Variants in AGAP1 observed in about 807,000 individuals in gnomAD.
AGAP1 encodes the protein arf-GAP with GTPase, ANK repeat and PH domain-containing protein 1.
Under a neutral mutation model 105.3 loss-of-function variants are expected in AGAP1, and 29 were observed. The ratio of observed to expected loss-of-function variants is 0.28; its 90% CI spans 0.21 to 0.38. The LOEUF (loss-of-function observed/expected upper bound fraction) is 0.38. Among genes scored for constraint, AGAP1 ranks in the 10% least tolerant of loss-of-function variants. The pLI, the probability that AGAP1 is intolerant of heterozygous loss-of-function variation, is 1.00. For synonymous variants in AGAP1, 509 were observed against 485.9 expected (o/e 1.05, Z -0.63); for missense variants, 998 against 1,165.1 (o/e 0.86, Z 2.09).
chr2:236,124,205 TC>T lies in AGAP1; in HGVS notation c.*86del. 2 of 1,409,958 alleles carry T rather than the reference TC, an allele frequency of 1.4e-6. No homozygotes were observed. The highest frequency in any genetic ancestry group is 1.9e-6 in the Non-Finnish European group (2 of 1,030,282). The allele number at this position is 1,409,958 out of a possible 1,614,324, so 87.3% of individuals were successfully genotyped here. A position where few individuals can be genotyped will look rare whatever the true frequency, so the allele number is the denominator to read the frequency against. ...TCGCTCAGAAGTCGCAGCACGTGAG[TC>T]CCGTCGCATCCCCTCCCTCTTCCTG... On this transcript the variant is annotated 3_prime_UTR_variant, in exon 18 of 18. Transcript: ENST00000304032. The surrounding 1 kb of genome is among the most constrained non-coding windows in gnomAD (Gnocchi z 5.1).
At chr2:235,652,879 G>C (rs1322561895) in intron 1 of AGAP1, among the ~76,000 whole-genome samples, 1 of 152,110 alleles carries the variant, frequency 6.6e-6, no homozygotes, top group Non-Finnish European at 1.5e-5. Context: ...TGAGGCAGGA[G>C]AATCACTTGA....
At chr2:235,643,066 C>G (rs960986863) in intron 1 of AGAP1, among the ~76,000 whole-genome samples, 1 of 152,096 alleles carries the variant, frequency 6.6e-6, no homozygotes, top group African/African-American at 2.4e-5. Flanking sequence ...CTCCTTCCCC[C>G]TTTTTTCTAT....
Position 235,741,109 on chromosome 2 carries a change from C to CA in AGAP1, c.396+63dup. The CA allele has an allele frequency of 7.2e-7, 1 of 1,381,854 alleles. No homozygotes were observed. Among genetic ancestry groups the CA allele is most frequent in the Non-Finnish European group, 9.7e-7 (1 of 1,028,612 alleles). The allele number at this position is 1,381,854 out of a possible 1,614,324, so 85.6% of individuals were successfully genotyped here. On this transcript the variant is annotated intron_variant, in intron 4 of 17. Coordinates refer to ENST00000304032, the MANE Select transcript of AGAP1 (RefSeq NM_001037131.3). This position sits in a 1 kb window ranked among gnomAD's most constrained non-coding sequence, Gnocchi z 4.9. Reference sequence around the variant, plus strand: ...TCCCTTTGTTTTCTAAGGTTTGATTCAAGAAGTGCTTCTAGAAATCGGTGA... The same window carrying CA: ...TCCCTTTGTTTTCTAAGGTTTGATTCAAAGAAGTGCTTCTAGAAATCGGTGA...
chr2:235,796,252 A>T (rs1005382032), intron 6 of AGAP1, among the ~76,000 whole-genome samples: 1 of 152,192 alleles, frequency 6.6e-6, no homozygotes, highest in Non-Finnish European at 1.5e-5. Flanking sequence ...GGTTTTTGCA[A>T]TTTCAAGATA....
At chr2:235,756,892 C>T (rs115149574) in intron 6 of AGAP1, among the ~76,000 whole-genome samples, 2,700 of 151,886 alleles carry the variant, frequency 0.018, 90 homozygotes, top group African/African-American at 0.061. Context: ...CCCTGATCCT[C>T]AGAAAAATTG....
rs1256962529 is a variant in AGAP1, at chr2:235,732,254, T to C, written c.311-8709T>C. 6.6e-6 allele frequency among the ~76,000 whole-genome samples: 1 copy of C among 152,224 alleles called. No individual in the cohort carries two copies. The highest frequency in any genetic ancestry group is 6.5e-5 in the Admixed American group (1 of 15,284). The stretch of plus-strand genomic sequence containing the variant: ...CAATGAACTTCTCTCTTAAATACTT[T>C]ACCTCTGTCTTTTTAATCTCATTGA... On this transcript the variant is annotated intron_variant, in intron 3 of 17. Transcript: ENST00000304032. This position sits in a 1 kb window ranked among gnomAD's most constrained non-coding sequence, Gnocchi z 4.8.
chr2:235,815,040 G>A (rs1958371717), intron 9 of AGAP1, among the ~76,000 whole-genome samples: 1 of 152,148 alleles, frequency 6.6e-6, no homozygotes, highest in South Asian at 2.1e-4. Context: ...AGCGTTTATT[G>A]ACCACTTTTC....
chr2:235,976,779 C>T lies in AGAP1; in HGVS notation c.1645+8156C>T, dbSNP rs2054877953. 3.3e-5 allele frequency among the ~76,000 whole-genome samples: 5 copies of T among 152,108 alleles called. No homozygotes were observed. Among genetic ancestry groups the T allele is most frequent in the Non-Finnish European group, 5.9e-5 (4 of 68,018 alleles). Reference sequence around the variant, plus strand: ...CTGCCTGGAGGACCTCAGGGAGGTTCCCCAAAGGGGAGTAGACACTCACAC... The same window carrying T: ...CTGCCTGGAGGACCTCAGGGAGGTTTCCCAAAGGGGAGTAGACACTCACAC... On this transcript the variant is annotated intron_variant, in intron 13 of 17. Coordinates refer to ENST00000304032, the MANE Select transcript of AGAP1 (RefSeq NM_001037131.3). The surrounding 1 kb of genome is among the most constrained non-coding windows in gnomAD (Gnocchi z 4.5).
chr2:235,527,647 C>T (rs887463033), intron 1 of AGAP1, among the ~76,000 whole-genome samples: 4 of 152,132 alleles, frequency 2.6e-5, no homozygotes, highest in Admixed American at 6.6e-5. Context: ...CTTAGCGTCC[C>T]GAAGTGCTGG....
intron 6 of AGAP1, among the ~76,000 whole-genome samples, chr2:235,764,078 G>C (rs1484095288): frequency 6.9e-6 from 1 of 145,396 alleles, no homozygotes; most frequent in Non-Finnish European, 1.5e-5. Context: ...CCCATGTGTG[G>C]CTGTGACATG....
chr2:235,507,845 G>A (rs759997300), intron 1 of AGAP1, among the ~76,000 whole-genome samples: 33 of 152,094 alleles, frequency 2.2e-4, no homozygotes, highest in Admixed American at 3.3e-4. Context: ...TACACATGCA[G>A]GTGTGTTATA....
intron 8 of AGAP1, among the ~76,000 whole-genome samples, chr2:235,804,249 T>C (rs941869833): frequency 1.3e-5 from 2 of 152,212 alleles, no homozygotes; most frequent in Non-Finnish European, 2.9e-5. Flanking sequence ...ATACATTACA[T>C]GGCCTTGTCC....
In AGAP1 at chr2:235,740,989, G is replaced by A. The variant is rs757882352; in HGVS notation, c.337G>A (p.Val113Ile). 8.1e-6 allele frequency: 13 copies of A among 1,614,204 alleles called. No individual in the cohort carries two copies. Among genetic ancestry groups the A allele is most frequent in the East Asian group, 2.2e-5 (1 of 44,882 alleles). The change falls in exon 4 of 18, where the codon GTT becomes ATT. Residue 113 changes from valine (V) to isoleucine (I), a missense_variant. This residue lies in a region of AGAP1 where 735 missense variants were observed against 833.4 expected (regional missense o/e 0.88). Transcript: ENST00000304032. This position sits in a 1 kb window ranked among gnomAD's most constrained non-coding sequence, Gnocchi z 5.7. ...EGGRFKKEIV[V>I]DGQSYLLLIR... Reference sequence around the variant, plus strand: ...TGGCAGGTTCAAGAAAGAGATTGTCGTTGATGGACAGAGCTATCTGCTGCT... The same window carrying A: ...TGGCAGGTTCAAGAAAGAGATTGTCATTGATGGACAGAGCTATCTGCTGCT...
Position 236,005,170 on chromosome 2 carries a change from A to G in AGAP1, c.1646-31391A>G, listed in dbSNP as rs865811239. ...GTTTTTGTTTGTTTGTTTTTGTGACAGGGTCTCACTCTGTCACCCAGGCTG... is the reference window on the plus strand; with the variant it reads ...GTTTTTGTTTGTTTGTTTTTGTGACGGGGTCTCACTCTGTCACCCAGGCTG... On this transcript the variant is annotated intron_variant, in intron 13 of 17. Coordinates refer to ENST00000304032, the MANE Select transcript of AGAP1 (RefSeq NM_001037131.3). The surrounding 1 kb of genome is among the most constrained non-coding windows in gnomAD (Gnocchi z 4.1). 6.6e-6 allele frequency among the ~76,000 whole-genome samples: 1 copy of G among 152,042 alleles called. No homozygotes were observed. Among genetic ancestry groups the G allele is most frequent in the Non-Finnish European group, 1.5e-5 (1 of 68,004 alleles).
At chr2:236,006,052 C>G (rs1234046060) in intron 13 of AGAP1, among the ~76,000 whole-genome samples, 1 of 152,182 alleles carries the variant, frequency 6.6e-6, no homozygotes, top group Non-Finnish European at 1.5e-5. Context: ...ATCTGTTTCT[C>G]TCCCCCATTT....
intron 16 of AGAP1, among the ~76,000 whole-genome samples, chr2:236,099,748 A>G (rs2059299651): frequency 6.6e-6 from 1 of 151,668 alleles, no homozygotes; most frequent in East Asian, 2.0e-4. Flanking sequence ...AATTTTTATC[A>G]AGAATTTGAG....
chr2:235,695,805 TGA>T (rs1390137101), intron 1 of AGAP1, among the ~76,000 whole-genome samples: 3 of 152,146 alleles, frequency 2.0e-5, no homozygotes, highest in African/African-American at 7.2e-5. Flanking sequence ...CCCAGGGAGC[TGA>T]GAGGGGTCAC....
In AGAP1 at chr2:235,953,050, A is replaced by T. The variant is rs1030452148; in HGVS notation, c.1484-15412A>T. On this transcript the variant is annotated intron_variant, in intron 12 of 17. Transcript: ENST00000304032. This position sits in a 1 kb window ranked among gnomAD's most constrained non-coding sequence, Gnocchi z 5.2. ...TCTGTACGAGGCACCTGACACCACGATGCTATCACCATCCTCGCTGACTGG... is the reference window on the plus strand; with the variant it reads ...TCTGTACGAGGCACCTGACACCACGTTGCTATCACCATCCTCGCTGACTGG... Among the ~76,000 whole-genome samples, 18 of 152,214 alleles carry T rather than the reference A, an allele frequency of 1.2e-4. No individual in the cohort carries two copies. Among genetic ancestry groups the T allele is most frequent in the Admixed American group, 1.2e-3 (18 of 15,276 alleles).
In AGAP1 at chr2:235,789,662, C is replaced by T. The variant is rs901519899; in HGVS notation, c.674-8097C>T. On this transcript the variant is annotated intron_variant, in intron 6 of 17. Transcript: ENST00000304032. The surrounding 1 kb of genome is among the most constrained non-coding windows in gnomAD (Gnocchi z 4.2). ...ATATATATAGTCATATTTTGTGCTT[C>T]GATACTCAGAAGGTAAGGCATCAAA... 2.6e-5 allele frequency among the ~76,000 whole-genome samples: 4 copies of T among 152,024 alleles called. No individual in the cohort carries two copies. Among genetic ancestry groups the T allele is most frequent in the East Asian group, 1.9e-4 (1 of 5,190 alleles).
Sources: gnomAD v4.1 joint callset for allele counts (sites outside exome capture counted in the v4.1 genomes callset) on GRCh38, gnomAD v4.1.1 for gene constraint, gnomAD v4.1.1 regional missense constraint, Gnocchi (gnomAD v3.1) non-coding constraint, MANE v1.5 for transcripts, NCBI Gene and HGNC (gene_info 2026-07-23, HGNC 2026-07-21) for gene names.